ZDHHC22: variants seen among roughly 807,000 people sequenced by gnomAD.
ZDHHC22 encodes the protein palmitoyltransferase ZDHHC22.
Under a neutral mutation model 17.0 loss-of-function variants are expected in ZDHHC22, and 13 were observed. The ratio of observed to expected loss-of-function variants is 0.76; its 90% CI spans 0.50 to 1.21. The LOEUF (loss-of-function observed/expected upper bound fraction) is 1.21. ZDHHC22 is among the 50% of genes most tolerant of loss of function. The probability of loss-of-function intolerance (pLI) is 0.00; values close to 1 mark genes in which losing one functional copy is unlikely to be tolerated. For missense variants in ZDHHC22, 319 were observed against 342.3 expected, an observed-to-expected ratio of 0.93 and a Z score of 0.54; for synonymous variants, 138 against 154.7, an observed-to-expected ratio of 0.89 and a Z score of 0.80.
chr14:77,133,821 C>G lies in ZDHHC22; in HGVS notation c.654G>C (p.Gln218His). 2 of 1,613,946 alleles carry G rather than the reference C, an allele frequency of 1.2e-6. No individual in the cohort carries two copies. The highest frequency in any genetic ancestry group is 8.5e-7 in the Non-Finnish European group (1 of 1,179,882). The change falls in exon 3 of 3, where the codon CAG becomes CAC. Residue 218 changes from glutamine to histidine, a missense_variant. Gln to His is a conservative substitution (Grantham distance 24, BLOSUM62 0). Transcript: ENST00000319374. ...CCCTCACTGCCACCCCCTTCCGCAC[C>G]TGGTGGCGGGTCTGCCCGCGGAGGA... is the stretch of plus-strand genomic sequence containing the variant. ...LLILRGQTRH[Q>H]VRKGVAVRAR...
intron 2 of ZDHHC22, among the ~76,000 whole-genome samples, chr14:77,138,886 T>A (rs1006515844): frequency 6.6e-6 from 1 of 152,144 alleles, no homozygotes; most frequent in Non-Finnish European, 1.5e-5. Context: ...ATTACCTGGA[T>A]GCCACAACTC....
At position 77,139,262 on chromosome 14, in the gene ZDHHC22, G is replaced by A; in HGVS notation, c.477C>T (p.Pro159=). 2 of 1,594,950 alleles carry A rather than the reference G, an allele frequency of 1.3e-6. No individual in the cohort carries two copies. Among genetic ancestry groups the A allele is most frequent in the Non-Finnish European group, 1.7e-6 (2 of 1,170,998 alleles). ...SAVLSISFAH[P]LAFLTLLPTS... ...TGGGCAGGAGCGTGAGGAAGGCCAA[G>A]GGGTGGGCGAAGGAGATGGAAAGGA... The change falls in exon 2 of 3, where the codon CCC becomes CCT. Residue 159 remains proline, a synonymous_variant. Transcript: ENST00000319374.
intron 2 of ZDHHC22, among the ~76,000 whole-genome samples, chr14:77,136,596 C>T (rs1041724333): frequency 6.6e-6 from 1 of 152,166 alleles, no homozygotes; most frequent in Non-Finnish European, 1.5e-5. Flanking sequence ...TGAAACCTAA[C>T]TAGCTAGCCG....
chr14:77,139,656 A>G lies in ZDHHC22; in HGVS notation c.83T>C (p.Phe28Ser). 1.3e-6 allele frequency: 2 copies of G among 1,573,420 alleles called. No individual in the cohort carries two copies. The highest frequency in any genetic ancestry group is 1.7e-6 in the Non-Finnish European group (2 of 1,159,502). ...CTCGCGCATGCTGGGCAGGAAGAGG[A>G]AGAGCTGCAGCACGAAGGTCACCAG... The part of the protein sequence containing the change: ...ISLVTFVLQL[F>S]LFLPSMREDP... The change falls in exon 2 of 3, where the codon TTC (phenylalanine) becomes TCC (serine). Residue 28 changes from phenylalanine to serine, a missense_variant. By Grantham distance (155) the Phe-to-Ser change is radical. Transcript: ENST00000319374.
Position 77,139,473 on chromosome 14 carries a change from C to A in ZDHHC22, c.266G>T (p.Cys89Phe), listed in dbSNP as rs1416278554. 2.5e-6 allele frequency: 4 copies of A among 1,613,098 alleles called. No homozygotes were observed. The East Asian group carries it at 8.9e-5, about 36-fold the overall frequency. ...GCAGAAGTGGGTGCTAGGTGAGGGG[C>A]ATGGAGTCTTCCTGGCCGAGGCCCC... The part of the protein sequence containing the change: ...CQGASARKTP[C>F]PSPSTHFCRV... Residue 89 changes from cysteine (C) to phenylalanine (F), a missense_variant, in exon 2 of 3, where the codon TGC (cysteine) becomes TTC (phenylalanine). Transcript: ENST00000319374.
At chr14:77,136,041 G>T (rs563348724) in intron 2 of ZDHHC22, among the ~76,000 whole-genome samples, 1 of 152,258 alleles carries the variant, frequency 6.6e-6, no homozygotes, top group South Asian at 2.1e-4. Context: ...AATCTCCCCT[G>T]CCCCTTCCTC....
At position 77,139,384 on chromosome 14, in the gene ZDHHC22, C is replaced by A. The variant is rs376689516; in HGVS notation, c.355G>T (p.Gly119Cys). The change falls in exon 2 of 3, where the codon GGC (glycine) becomes TGC (cysteine). Residue 119 changes from glycine (G) to cysteine (C), a missense_variant. Physicochemically the swap from Gly to Cys is radical, Grantham distance 159 (BLOSUM62 -3). Transcript: ENST00000319374. Reference sequence around the variant, plus strand: ...ACGAAGTTGCGCATGTTCCTGCTGCCGATGCAGTTGCCGGTGAAGAAACAG... The same window carrying A: ...ACGAAGTTGCGCATGTTCCTGCTGCAGATGCAGTTGCCGGTGAAGAAACAG... ...HHCFFTGNCI[G>C]SRNMRNFVLF... is the part of the protein sequence containing the mutation. 6.2e-7 allele frequency: 1 copy of A among 1,606,134 alleles called. No individual in the cohort carries two copies. Among genetic ancestry groups the A allele is most frequent in the Admixed American group, 1.7e-5 (1 of 58,676 alleles).
At position 77,133,889 on chromosome 14, in the gene ZDHHC22, C is replaced by T; in HGVS notation, c.586G>A (p.Gly196Ser). 2 of 1,612,402 alleles carry T rather than the reference C, an allele frequency of 1.2e-6. No individual in the cohort carries two copies. Among genetic ancestry groups the T allele is most frequent in the Non-Finnish European group, 1.7e-6 (2 of 1,179,144 alleles). Residue 196 changes from glycine to serine, a missense_variant, in exon 3 of 3, where the codon GGC (glycine) becomes AGC (serine). Coordinates refer to ENST00000319374, the MANE Select transcript of ZDHHC22 (RefSeq NM_174976.2). ...CAGCAGAAGCCGGCGCAGGCCAGGC[C>T]GATGGCGAACCAGAGGTAGAGCATG... ...ILMLYLWFAI[G>S]LACAGFCCHQ...
chr14:77,138,096 T>G (rs563354235), intron 2 of ZDHHC22, among the ~76,000 whole-genome samples: 1 of 152,236 alleles, frequency 6.6e-6, no homozygotes, highest in African/African-American at 2.4e-5. Flanking sequence ...CACTACTGAT[T>G]GTGGAAGCTA....
In ZDHHC22 at chr14:77,140,836, T is replaced by G. The variant is rs888977374; in HGVS notation, c.-15+767A>C. 1.3e-5 allele frequency: 2 copies of G among 149,618 alleles called. No homozygotes were observed. Among genetic ancestry groups the G allele is most frequent in the African/African-American group, 5.0e-5 (2 of 40,402 alleles). The allele number at this position is 149,618 out of a possible 1,614,324, so 9.3% of individuals were successfully genotyped here. A position where few individuals can be genotyped will look rare whatever the true frequency, so the allele number is the denominator to read the frequency against. ...CCCACCCCACGCCTCACAGCCGGGG[T>G]TCCTGGCCAGCTTCGGAAGCCACCG... On this transcript the variant is annotated intron_variant, in intron 1 of 2. Coordinates refer to ENST00000319374, the MANE Select transcript of ZDHHC22 (RefSeq NM_174976.2). This position sits in a 1 kb window ranked among gnomAD's most constrained non-coding sequence, Gnocchi z 5.9.
rs1463373740 is a variant in ZDHHC22 at position 77,140,578 on chromosome 14, A to G, written c.-14-826T>C. The G allele has an allele frequency of 1.3e-5, 2 of 152,074 alleles. No homozygotes were observed. The highest frequency in any genetic ancestry group is 4.8e-5 in the African/African-American group (2 of 41,414). The allele number at this position is 152,074 out of a possible 1,614,324, so 9.4% of individuals were successfully genotyped here. On this transcript the variant is annotated intron_variant, in intron 1 of 2. Coordinates refer to ENST00000319374, the MANE Select transcript of ZDHHC22 (RefSeq NM_174976.2). This position sits in a 1 kb window ranked among gnomAD's most constrained non-coding sequence, Gnocchi z 5.9. Reference sequence around the variant, plus strand: ...GGGTCCTGGCCAGCACATCTCTCCAACGCTGGCTGCCCGGGCTATTTCTTT... The same window carrying G: ...GGGTCCTGGCCAGCACATCTCTCCAGCGCTGGCTGCCCGGGCTATTTCTTT...
At position 77,139,492 on chromosome 14, in the gene ZDHHC22, AG is replaced by A; in HGVS notation, c.246del (p.Ser83ArgfsTer23). On this transcript the variant is annotated frameshift_variant, in exon 2 of 3. Transcript: ENST00000319374. LOFTEE classifies it high-confidence loss of function. Reference sequence around the variant, plus strand: ...GAGGGGCATGGAGTCTTCCTGGCCGAGGCCCCCTGGCAGGCCCCCAGGTCGT... The same window carrying A: ...GAGGGGCATGGAGTCTTCCTGGCCGAGCCCCCTGGCAGGCCCCCAGGTCGT... ...SPDDLGACQG[A>X]SARKTPCPSP... The A allele has an allele frequency of 6.2e-7, 1 of 1,612,806 alleles. No homozygotes were observed. Among genetic ancestry groups the A allele is most frequent in the Non-Finnish European group, 8.5e-7 (1 of 1,179,520 alleles).
At chr14:77,137,885 A>C (rs1887169222) in intron 2 of ZDHHC22, among the ~76,000 whole-genome samples, 1 of 152,146 alleles carries the variant, frequency 6.6e-6, no homozygotes, top group Non-Finnish European at 1.5e-5. Context: ...TGCTCCTAGA[A>C]GGCCAACAGG....
chr14:77,136,513 A>G (rs1385523929), intron 2 of ZDHHC22, among the ~76,000 whole-genome samples: 1 of 152,136 alleles, frequency 6.6e-6, no homozygotes, highest in Non-Finnish European at 1.5e-5. Context: ...CATTTCCCAG[A>G]TAAGAATAAG....
At chr14:77,135,391 A>G (rs1887117800) in intron 2 of ZDHHC22, among the ~76,000 whole-genome samples, 1 of 152,110 alleles carries the variant, frequency 6.6e-6, no homozygotes. Flanking sequence ...CTCAGCAGCC[A>G]TGGAGGATGT....
Position 77,132,548 on chromosome 14 carries a change from C to T in ZDHHC22, c.*1135G>A, listed in dbSNP as rs1887047457. 1 of 152,192 alleles carries T rather than the reference C, an allele frequency of 6.6e-6. No individual in the cohort carries two copies. The highest frequency in any genetic ancestry group is 2.4e-5 in the African/African-American group (1 of 41,428). The allele number at this position is 152,192 out of a possible 1,614,324, so 9.4% of individuals were successfully genotyped here. On this transcript the variant is annotated 3_prime_UTR_variant, in exon 3 of 3. Coordinates refer to ENST00000319374, the MANE Select transcript of ZDHHC22 (RefSeq NM_174976.2). Reference sequence around the variant, plus strand: ...GGGTTGGAAGGAATGTGTAAGCTCACCTAGAATGACCCTGTACAGAAATCC... The same window carrying T: ...GGGTTGGAAGGAATGTGTAAGCTCATCTAGAATGACCCTGTACAGAAATCC...
chr14:77,135,996 A>G (rs1199624961), intron 2 of ZDHHC22, among the ~76,000 whole-genome samples: 5 of 152,090 alleles, frequency 3.3e-5, no homozygotes, highest in Non-Finnish European at 7.4e-5. Flanking sequence ...AAAATCACAG[A>G]ATTTTCCTAA....
Position 77,139,718 on chromosome 14 carries a change from G to A in ZDHHC22, c.21C>T (p.Leu7=). 1 of 1,515,178 alleles carries A rather than the reference G, an allele frequency of 6.6e-7. No homozygotes were observed. The highest frequency in any genetic ancestry group is 8.8e-7 in the Non-Finnish European group (1 of 1,131,836). 93.9% of individuals were successfully genotyped at this position (1,515,178 alleles called of 1,614,324 possible). ...AGAAGTAGGCGGGGGCCACCACGTT[G>A]AGCAGCCGCAGGGCCAGCATCCTCG... MLALRL[L]NVVAPAYFLC... is the part of the protein sequence containing the mutation. Residue 7 remains leucine, a synonymous_variant, in exon 2 of 3, where the codon CTC becomes CTT. Coordinates refer to ENST00000319374, the MANE Select transcript of ZDHHC22 (RefSeq NM_174976.2).
In ZDHHC22 at chr14:77,140,244, G is replaced by A. The variant is rs1387883428; in HGVS notation, c.-14-492C>T. 6.6e-6 allele frequency among the ~76,000 whole-genome samples: 1 copy of A among 152,050 alleles called. No individual in the cohort carries two copies. Among genetic ancestry groups the A allele is most frequent in the Non-Finnish European group, 1.5e-5 (1 of 68,002 alleles). ...TCCTGCTTCACACTCCCCTTTCTCC[G>A]TCCCTGCGTCCCCACCCACACACAC... On this transcript the variant is annotated intron_variant, in intron 1 of 2. Coordinates refer to ENST00000319374, the MANE Select transcript of ZDHHC22 (RefSeq NM_174976.2). The surrounding 1 kb of genome is among the most constrained non-coding windows in gnomAD (Gnocchi z 5.9).
Sources: gnomAD v4.1 joint callset for allele counts (sites outside exome capture counted in the v4.1 genomes callset) on GRCh38, gnomAD v4.1.1 for gene constraint, Gnocchi (gnomAD v3.1) non-coding constraint, MANE v1.5 for transcripts, NCBI Gene and HGNC (gene_info 2026-07-23, HGNC 2026-07-21) for gene names.